CCDC192: variants seen among roughly 807,000 people sequenced by gnomAD.
The protein encoded by CCDC192 is coiled-coil domain containing 192.
chr5:127,792,636 A>G (rs758211648), intron 3 of CCDC192, among the ~76,000 whole-genome samples: 11 of 151,580 alleles, frequency 7.3e-5, no homozygotes, highest in Non-Finnish European at 1.6e-4. Context: ...AGCCCAGTAG[A>G]TAGAGGTTGC....
chr5:127,881,542 G>A (rs1185907397), intron 6 of CCDC192, among the ~76,000 whole-genome samples: 3 of 152,138 alleles, frequency 2.0e-5, no homozygotes, highest in African/African-American at 7.2e-5. Flanking sequence ...AATATTTTTA[G>A]GCATATTCAT....
rs150832514 is a variant in CCDC192, at chr5:127,786,885, C to T, written c.223-10218C>T. 542 of 452,874 alleles carry T rather than the reference C, an allele frequency of 1.2e-3. 4 individuals carry two copies. The highest frequency in any genetic ancestry group is 7.8e-3 in the South Asian group (378 of 48,736). The allele number at this position is 452,874 out of a possible 1,614,324, so 28.1% of individuals were successfully genotyped here. On this transcript the variant is annotated intron_variant, in intron 3 of 6. Coordinates refer to ENST00000514853, the MANE Select transcript of CCDC192 (RefSeq NM_001317938.2). ...TTGGTTTGACTGGTGTACACTAGCA[C>T]ACTAGTTATGAACATGAGTGTGGAG... is the stretch of plus-strand genomic sequence containing the variant.
chr5:127,915,345 A>G (rs1436929158), intron 6 of CCDC192, among the ~76,000 whole-genome samples: 1 of 152,240 alleles, frequency 6.6e-6, no homozygotes, highest in Non-Finnish European at 1.5e-5. Context: ...CATACAGCCC[A>G]GGACAGTTCT....
intron 2 of CCDC192, among the ~76,000 whole-genome samples, chr5:127,751,919 C>G (rs1343601852): frequency 1.3e-5 from 2 of 152,104 alleles, no homozygotes; most frequent in African/African-American, 4.8e-5. Flanking sequence ...GCTCCTGAGG[C>G]TTCTGCATTC....
chr5:127,773,803 G>A (rs958873866), intron 3 of CCDC192, among the ~76,000 whole-genome samples: 6 of 152,100 alleles, frequency 3.9e-5, no homozygotes, highest in African/African-American at 1.4e-4. Flanking sequence ...TGGATCACAT[G>A]GTAATTCTAG....
chr5:127,748,717 A>G (rs1255441306), intron 2 of CCDC192, among the ~76,000 whole-genome samples: 1 of 143,336 alleles, frequency 7.0e-6, no homozygotes, highest in African/African-American at 2.5e-5. Context: ...CATTTTCACA[A>G]TATTGATTCT....
At chr5:127,925,466 T>C (rs1271402479) in intron 6 of CCDC192, among the ~76,000 whole-genome samples, 2 of 152,204 alleles carry the variant, frequency 1.3e-5, no homozygotes, top group African/African-American at 4.8e-5. Flanking sequence ...ACGGGGCATT[T>C]TTATGCTGCC....
intron 5 of CCDC192, among the ~76,000 whole-genome samples, chr5:127,865,671 A>C (rs1751578451): frequency 6.7e-6 from 1 of 150,086 alleles, no homozygotes; most frequent in Non-Finnish European, 1.5e-5. Flanking sequence ...AGATATCTTC[A>C]GTACACATTT....
At chr5:127,757,110 A>G (rs992703271) in intron 3 of CCDC192, among the ~76,000 whole-genome samples, 1 of 152,244 alleles carries the variant, frequency 6.6e-6, no homozygotes, top group African/African-American at 2.4e-5. Context: ...TGGGAAAGAC[A>G]TGTAAGCCAG....
At chr5:127,915,481 A>G (rs558370485) in intron 6 of CCDC192, among the ~76,000 whole-genome samples, 1 of 152,282 alleles carries the variant, frequency 6.6e-6, no homozygotes, top group South Asian at 2.1e-4. Flanking sequence ...TCCCGGGTTC[A>G]AGCAATTCTC....
chr5:127,741,126 T>C (rs533414602), intron 2 of CCDC192, among the ~76,000 whole-genome samples: 2 of 152,290 alleles, frequency 1.3e-5, no homozygotes, highest in Admixed American at 6.5e-5. Flanking sequence ...AGTGGCGTAA[T>C]CTCGGCTCAC....
intron 6 of CCDC192, among the ~76,000 whole-genome samples, chr5:127,908,872 G>C (rs1359688178): frequency 2.0e-5 from 3 of 152,052 alleles, no homozygotes; most frequent in Admixed American, 6.5e-5. Flanking sequence ...CAGGTTTTGA[G>C]AAGAAAAAAT....
intron 6 of CCDC192, among the ~76,000 whole-genome samples, chr5:127,912,158 C>T (rs1337120026): frequency 2.0e-5 from 3 of 151,394 alleles, no homozygotes; most frequent in Non-Finnish European, 4.4e-5. Context: ...TCTCGAACTC[C>T]TGACCTCATG....
rs7730087 is a variant in CCDC192 at position 127,724,621 on chromosome 5, C to T, written c.114+16861C>T. Among the ~76,000 whole-genome samples the T allele has an allele frequency of 2.0e-3, 303 of 152,108 alleles. 1 individual carries two copies. The highest frequency in any genetic ancestry group is 6.4e-3 in the African/African-American group (266 of 41,512). On this transcript the variant is annotated intron_variant, in intron 2 of 6. Transcript: ENST00000514853. Reference sequence around the variant, plus strand: ...ATCCCAGCACTTTCGGAGGCTGAGGCGGGTGGATCATGAGGTCAACAGATC... The same window carrying T: ...ATCCCAGCACTTTCGGAGGCTGAGGTGGGTGGATCATGAGGTCAACAGATC...
At chr5:127,839,517 A>G (rs995798770) in intron 5 of CCDC192, among the ~76,000 whole-genome samples, 11 of 152,250 alleles carry the variant, frequency 7.2e-5, no homozygotes, top group African/African-American at 2.4e-4. Context: ...TTCTATTTTT[A>G]AAGTTTTTAT....
At chr5:127,835,488 G>A (rs777783775) in intron 5 of CCDC192, among the ~76,000 whole-genome samples, 1 of 152,110 alleles carries the variant, frequency 6.6e-6, no homozygotes, top group African/African-American at 2.4e-5. Context: ...TGGTTTAATG[G>A]TGATTCTGGA....
At chr5:127,705,558 A>T (rs1036058014) in intron 1 of CCDC192, among the ~76,000 whole-genome samples, 3 of 152,128 alleles carry the variant, frequency 2.0e-5, no homozygotes, top group African/African-American at 7.2e-5. Flanking sequence ...AATCACATAT[A>T]TCATGAACCA....
chr5:127,734,938 C>T (rs1257482421), intron 2 of CCDC192, among the ~76,000 whole-genome samples: 1 of 149,238 alleles, frequency 6.7e-6, no homozygotes, highest in Non-Finnish European at 1.5e-5. Context: ...TTAATTAGAT[C>T]CCATTTGTCA....
chr5:127,897,954 A>G (rs1657095442), intron 6 of CCDC192, among the ~76,000 whole-genome samples: 1 of 152,244 alleles, frequency 6.6e-6, no homozygotes, highest in Admixed American at 6.5e-5. Context: ...ACTGGGCAGT[A>G]TAACAGTAAT....
Sources: allele counts gnomAD v4.1 joint callset (sites outside exome capture counted in the v4.1 genomes callset), GRCh38; gene constraint gnomAD v4.1.1; transcripts MANE v1.5; gene names NCBI Gene and HGNC (gene_info 2026-07-23, HGNC 2026-07-21).